Variants in BTAF1 observed in about 807,000 individuals in gnomAD.
BTAF1 encodes the protein TATA-binding protein-associated factor 172.
BTAF1 carries 38 observed loss-of-function variants against 227.1 expected under a neutral mutation model. The ratio of observed to expected loss-of-function variants is 0.17; its 90% CI spans 0.13 to 0.22. The LOEUF (loss-of-function observed/expected upper bound fraction) is 0.22, where lower values mean the gene tolerates loss of function less well. Ranked by LOEUF, BTAF1 falls within the 10% of genes least tolerant of loss-of-function variation. The probability of loss-of-function intolerance (pLI) is 1.00; values close to 1 mark genes in which losing one functional copy is unlikely to be tolerated. For missense variants in BTAF1, 1,598 were observed against 2,204.0 expected (o/e 0.73, Z 5.51); for synonymous variants, 742 against 751.9 (o/e 0.99, Z 0.21).
At chr10:91,960,699 T>C (rs1256356906) in intron 11 of BTAF1, among the ~76,000 whole-genome samples, 2 of 152,100 alleles carry the variant, frequency 1.3e-5, no homozygotes, top group Admixed American at 1.3e-4. Context: ...GCCTTGCTGA[T>C]GGTCACAAAA....
chr10:92,008,751 G>A (rs1589955289), intron 26 of BTAF1, 78 bp from the exon 27 acceptor site: 16 of 1,341,150 alleles, frequency 1.2e-5, no homozygotes, highest in Non-Finnish European at 1.5e-5. Flanking sequence ...TTGTGCAAAC[G>A]TTGTTTATAA....
At chr10:91,931,638 T>G (rs765864423) in intron 1 of BTAF1, among the ~76,000 whole-genome samples, 3 of 152,186 alleles carry the variant, frequency 2.0e-5, no homozygotes, top group Non-Finnish European at 4.4e-5. Flanking sequence ...AACATAATAC[T>G]GACTCTGTCT....
chr10:91,943,052 A>T (rs1344374504), intron 4 of BTAF1, among the ~76,000 whole-genome samples: 4 of 152,102 alleles, frequency 2.6e-5, no homozygotes, highest in African/African-American at 9.7e-5. Flanking sequence ...AGGTATTCAC[A>T]CCTGTAATCC....
At chr10:91,988,219 C>A (rs529483462) in intron 19 of BTAF1, among the ~76,000 whole-genome samples, 1 of 152,274 alleles carries the variant, frequency 6.6e-6, no homozygotes, top group African/African-American at 2.4e-5. Context: ...TTAGTCTCTG[C>A]ATTTTTTGAG....
At chr10:92,024,558 A>G (rs553412499) in intron 34 of BTAF1, among the ~76,000 whole-genome samples, 198 bp from the exon 35 acceptor site, 1 of 152,234 alleles carries the variant, frequency 6.6e-6, no homozygotes, top group African/African-American at 2.4e-5. Flanking sequence ...AGAGGTGATC[A>G]GGGAGCTCTA....
intron 35 of BTAF1, among the ~76,000 whole-genome samples, chr10:92,026,024 G>A (rs1321909564): frequency 6.6e-6 from 1 of 152,142 alleles, no homozygotes; most frequent in Admixed American, 6.5e-5. Context: ...TAGAGCTATT[G>A]TAACAATTAA....
intron 19 of BTAF1, among the ~76,000 whole-genome samples, chr10:91,986,699 A>T (rs1295026981): frequency 6.6e-6 from 1 of 152,126 alleles, no homozygotes; most frequent in African/African-American, 2.4e-5. Flanking sequence ...TTCCCTGCCT[A>T]CTATTTCTGG....
Position 91,997,687 on chromosome 10 carries a change from C to T in BTAF1, c.3596C>T (p.Thr1199Ile). 6.2e-7 allele frequency: 1 copy of T among 1,614,046 alleles called. No homozygotes were observed. Among genetic ancestry groups the T allele is most frequent in the Non-Finnish European group, 8.5e-7 (1 of 1,179,962 alleles). The change falls in exon 25 of 38, where the codon ACA becomes ATA. Residue 1199 changes from threonine (T) to isoleucine (I), a missense_variant. By Grantham distance (89) the Thr-to-Ile change is moderately conservative. Coordinates refer to ENST00000265990, the MANE Select transcript of BTAF1 (RefSeq NM_003972.3). ...VPVLGRMSDQ[T>I]DSVRFMATQC... is the part of the protein sequence containing the mutation. ...GTATTAGGAAGAATGAGTGATCAGA[C>T]AGACAGTGTGAGATTCATGGCCACG...
At position 92,014,018 on chromosome 10, in the gene BTAF1, A is replaced by C; in HGVS notation, c.4573A>C (p.Ser1525Arg). Residue 1525 changes from serine to arginine, a missense_variant, in exon 32 of 38, where the codon AGT becomes CGT. By Grantham distance (110) the Ser-to-Arg change is moderately radical. This residue lies in a region of BTAF1 where 205 missense variants were observed against 244.5 expected (regional missense o/e 0.84). Transcript: ENST00000265990. ...KIIQDYYCTL[S>R]PLQVQLYEDF... ...TATTCAAGACTATTATTGTACTCTT[A>C]GTCCTCTCCAGGTTAGGAATCTCGT... 1 of 1,610,016 alleles carries C rather than the reference A, an allele frequency of 6.2e-7. No homozygotes were observed. The highest frequency in any genetic ancestry group is 1.1e-5 in the South Asian group (1 of 89,876).
chr10:91,962,880 G>A (rs765730139), intron 12 of BTAF1, among the ~76,000 whole-genome samples: 13 of 151,354 alleles, frequency 8.6e-5, no homozygotes, highest in Non-Finnish European at 1.8e-4. Flanking sequence ...TTCCCTTCAT[G>A]TACATAATAT....
At chr10:91,978,985 C>T (rs947228305) in intron 14 of BTAF1, among the ~76,000 whole-genome samples, 1 of 151,946 alleles carries the variant, frequency 6.6e-6, no homozygotes, top group African/African-American at 2.4e-5. Flanking sequence ...CCCTCCTTCC[C>T]ACCCTCAAGT....
intron 2 of BTAF1, 114 bp downstream of exon 2, chr10:91,935,894 CTTT>C (rs944210078): frequency 3.5e-6 from 3 of 866,282 alleles, no homozygotes; most frequent in Non-Finnish European, 4.5e-6. Flanking sequence ...TTTGCTATTT[CTTT>C]TTTTTTTCTG....
chr10:91,930,013 C>T (rs1001882295), intron 1 of BTAF1, among the ~76,000 whole-genome samples: 1 of 152,092 alleles, frequency 6.6e-6, no homozygotes, highest in Non-Finnish European at 1.5e-5. Context: ...GTAAATTCCT[C>T]CTTATTTCTT....
At chr10:92,018,738 G>T in intron 33 of BTAF1, 45 bp from the exon 34 acceptor site, 1 of 1,365,432 alleles carries the variant, frequency 7.3e-7, no homozygotes, top group Non-Finnish European at 9.7e-7. Context: ...AAATATTTGT[G>T]ATATGCGAAA....
chr10:92,016,345 G>A lies in BTAF1; in HGVS notation c.4590G>A (p.Gln1530=), dbSNP rs762911146. ...CCACGGGGGCCATTTTACAGGTTCA[G>A]CTCTATGAAGATTTTGCTAAGTCTC... The part of the protein sequence containing the change: ...YYCTLSPLQV[Q]LYEDFAKSRA... The change falls in exon 33 of 38, where the codon CAG becomes CAA. Residue 1530 remains glutamine (Q), a synonymous_variant. Transcript: ENST00000265990. 1 of 1,597,900 alleles carries A rather than the reference G, an allele frequency of 6.3e-7. No homozygotes were observed. Among genetic ancestry groups the A allele is most frequent in the Non-Finnish European group, 8.5e-7 (1 of 1,173,872 alleles).
chr10:92,009,467 C>T (rs961135773), intron 28 of BTAF1, among the ~76,000 whole-genome samples: 2 of 152,108 alleles, frequency 1.3e-5, no homozygotes, highest in Non-Finnish European at 1.5e-5. Flanking sequence ...TTTGTATGCC[C>T]CTTTTGGGAG....
At chr10:91,996,849 C>T (rs1336101458) in intron 24 of BTAF1, among the ~76,000 whole-genome samples, 1 of 151,982 alleles carries the variant, frequency 6.6e-6, no homozygotes, top group Non-Finnish European at 1.5e-5. Flanking sequence ...GTTTTATGTA[C>T]TTTATGAACT....
At chr10:92,011,007 C>G (rs1850254391) in intron 28 of BTAF1, 66 bp from the exon 29 acceptor site, 7 of 1,184,672 alleles carry the variant, frequency 5.9e-6, no homozygotes, top group Non-Finnish European at 8.7e-6. Context: ...GCACTTTATA[C>G]AAATGGTAGC....
At position 91,923,874 on chromosome 10, in the gene BTAF1, C is replaced by T. The variant is rs1306016082; in HGVS notation, c.-203C>T. The T allele has an allele frequency of 3.8e-6, 2 of 529,254 alleles. No individual in the cohort carries two copies. The highest frequency in any genetic ancestry group is 5.1e-4 in the Middle Eastern group (1 of 1,972). 32.8% of individuals were successfully genotyped at this position (529,254 alleles called of 1,614,324 possible). On this transcript the variant is annotated 5_prime_UTR_variant, in exon 1 of 38. Transcript: ENST00000265990. ...GCCGCCTCCGCTACCGTCTTGGACC[C>T]CTGCTTACCGGCCGCCGCGGGGACG...
Sources: gnomAD v4.1 joint callset for allele counts (sites outside exome capture counted in the v4.1 genomes callset) on GRCh38, gnomAD v4.1.1 for gene constraint, gnomAD v4.1.1 regional missense constraint, MANE v1.5 for transcripts, NCBI Gene and HGNC (gene_info 2026-07-23, HGNC 2026-07-21) for gene names.